The following KHDRBS2 variants were observed in gnomAD, a reference collection of about 807,000 sequenced individuals.
The protein encoded by KHDRBS2 is KH domain-containing, RNA-binding, signal transduction-associated protein 2.
In KHDRBS2, 26 loss-of-function variants were observed where a neutral mutation model predicts 44.3. The ratio of observed to expected loss-of-function variants is 0.59; its 90% CI spans 0.43 to 0.81. KHDRBS2 has a LOEUF of 0.81. Among genes scored for constraint, KHDRBS2 ranks in the 40% least tolerant of loss-of-function variants. KHDRBS2 has a pLI of 0.00. For missense variants in KHDRBS2, 476 were observed against 433.1 expected (o/e 1.10, Z -0.88); for synonymous variants, 194 against 151.1 (o/e 1.28, Z -2.08).
chr6:61,558,532 A>G, the KHDRBS2 span, among the ~76,000 whole-genome samples: 1 of 152,200 alleles, frequency 6.6e-6, no homozygotes, highest in Non-Finnish European at 1.5e-5. Flanking sequence ...ATTGCAGTCC[A>G]GCCTAGGTGA....
intron 1 of KHDRBS2, among the ~76,000 whole-genome samples, chr6:62,195,511 A>G (rs1213870978): frequency 5.3e-5 from 8 of 152,200 alleles, no homozygotes; most frequent in Admixed American, 1.3e-4. Flanking sequence ...GTCAACAAAC[A>G]AAAGTTCTCC....
At chr6:61,898,138 T>A (rs1195726131) in intron 5 of KHDRBS2, among the ~76,000 whole-genome samples, 4 of 152,202 alleles carry the variant, frequency 2.6e-5, no homozygotes, top group African/African-American at 9.6e-5. Flanking sequence ...AGACATCATC[T>A]TTTTGAATAT....
intron 6 of KHDRBS2, among the ~76,000 whole-genome samples, chr6:61,868,942 C>T (rs1027155476): frequency 2.6e-5 from 4 of 152,182 alleles, no homozygotes; most frequent in African/African-American, 9.6e-5. Context: ...CCACATAGCT[C>T]TGTATGTTGG....
At chr6:62,246,947 G>C (rs1835672337) in intron 1 of KHDRBS2, among the ~76,000 whole-genome samples, 1 of 151,858 alleles carries the variant, frequency 6.6e-6, no homozygotes, top group South Asian at 2.1e-4. Flanking sequence ...CCAAATCCTA[G>C]GCCAAAAGAT....
chr6:61,905,896 C>G (rs971876862), intron 4 of KHDRBS2, among the ~76,000 whole-genome samples: 57 of 141,854 alleles, frequency 4.0e-4, no homozygotes, highest in African/African-American at 1.4e-3. Context: ...CACTCTATCG[C>G]TCAGGCTGGA....
chr6:62,188,511 A>G (rs1823922614), intron 1 of KHDRBS2, among the ~76,000 whole-genome samples: 1 of 152,284 alleles, frequency 6.6e-6, no homozygotes, highest in African/African-American at 2.4e-5. Context: ...GGCATATAAA[A>G]TGGTGAGAAG....
intron 4 of KHDRBS2, among the ~76,000 whole-genome samples, chr6:61,967,964 A>G (rs1187031480): frequency 6.7e-6 from 1 of 149,874 alleles, no homozygotes; most frequent in Non-Finnish European, 1.5e-5. Flanking sequence ...ATATACACAC[A>G]CACACACATG....
intron 6 of KHDRBS2, among the ~76,000 whole-genome samples, chr6:61,737,507 C>T (rs1775547860): frequency 6.6e-6 from 1 of 151,982 alleles, no homozygotes; most frequent in Admixed American, 6.6e-5. Flanking sequence ...AAAAGCATAA[C>T]AACGTTTAAG....
At chr6:61,886,477 T>C (rs1800974956) in intron 6 of KHDRBS2, among the ~76,000 whole-genome samples, 1 of 149,820 alleles carries the variant, frequency 6.7e-6, no homozygotes, top group African/African-American at 2.4e-5. Flanking sequence ...AACAGCCATA[T>C]AGCCATCTGT....
chr6:62,208,050 C>G (rs1408124084), intron 1 of KHDRBS2, among the ~76,000 whole-genome samples: 1 of 152,014 alleles, frequency 6.6e-6, no homozygotes, highest in Non-Finnish European at 1.5e-5. Context: ...TTTCTCTGCC[C>G]CCTCTCACCC....
intron 4 of KHDRBS2, among the ~76,000 whole-genome samples, chr6:61,911,367 T>C (rs1430197931): frequency 6.6e-6 from 1 of 152,070 alleles, no homozygotes; most frequent in South Asian, 2.1e-4. Flanking sequence ...GGAGGAAAGT[T>C]CTGATCCAGG....
intron 2 of KHDRBS2, among the ~76,000 whole-genome samples, chr6:62,065,327 T>G (rs987516150): frequency 1.3e-5 from 2 of 151,938 alleles, no homozygotes; most frequent in Non-Finnish European, 2.9e-5. Context: ...TAAAGACACA[T>G]GCACATGTAT....
At chr6:62,133,357 C>A (rs1351847985) in intron 2 of KHDRBS2, among the ~76,000 whole-genome samples, 2 of 152,176 alleles carry the variant, frequency 1.3e-5, no homozygotes, top group Non-Finnish European at 2.9e-5. Context: ...TAAGGGGAAT[C>A]CCCTTTTGCT....
At chr6:62,057,948 G>C (rs1790673045) in intron 2 of KHDRBS2, among the ~76,000 whole-genome samples, 1 of 151,742 alleles carries the variant, frequency 6.6e-6, no homozygotes, top group African/African-American at 2.4e-5. Flanking sequence ...AAATATTTTA[G>C]GGACATTTTT....
the KHDRBS2 span, among the ~76,000 whole-genome samples, chr6:61,596,867 G>A: frequency 1.3e-5 from 2 of 151,972 alleles, no homozygotes; most frequent in African/African-American, 4.8e-5. Context: ...GGCCAGGATG[G>A]TCTCAATCTC....
intron 4 of KHDRBS2, among the ~76,000 whole-genome samples, chr6:61,956,224 C>G (rs554331947): frequency 3.9e-5 from 6 of 152,078 alleles, no homozygotes; most frequent in African/African-American, 1.2e-4. Context: ...AACAGACACT[C>G]TTTATGTTCA....
intron 6 of KHDRBS2, among the ~76,000 whole-genome samples, chr6:61,863,813 C>G (rs931153032): frequency 2.6e-5 from 4 of 152,120 alleles, no homozygotes; most frequent in African/African-American, 9.7e-5. Context: ...TGCTCCAGAG[C>G]TGAGTTCAGG....
intron 2 of KHDRBS2, among the ~76,000 whole-genome samples, chr6:62,106,979 C>A (rs1340016892): frequency 6.6e-6 from 1 of 152,080 alleles, no homozygotes; most frequent in African/African-American, 2.4e-5. Context: ...AACCCACAGC[C>A]AATATCATAC....
intron 6 of KHDRBS2, among the ~76,000 whole-genome samples, chr6:61,743,714 T>C (rs1224948061): frequency 1.3e-5 from 2 of 151,976 alleles, no homozygotes; most frequent in South Asian, 2.1e-4. Context: ...ATTTGCCATG[T>C]TGGTGTGCTG....
Sources: gnomAD v4.1 joint callset for allele counts (sites outside exome capture counted in the v4.1 genomes callset) on GRCh38, gnomAD v4.1.1 for gene constraint, MANE v1.5 for transcripts, NCBI Gene and HGNC (gene_info 2026-07-23, HGNC 2026-07-21) for gene names.